CNTNAP4: variants seen among roughly 807,000 people sequenced by gnomAD.
The protein encoded by CNTNAP4 is contactin associated protein family member 4.
In CNTNAP4, 98 loss-of-function variants were observed where a neutral mutation model predicts 148.4. The ratio of observed to expected loss-of-function variants is 0.66; its 90% CI spans 0.56 to 0.78. The LOEUF is 0.78. Among genes scored for constraint, CNTNAP4 ranks in the 30% least tolerant of loss-of-function variants. The pLI, the probability that CNTNAP4 is intolerant of heterozygous loss-of-function variation, is 0.00. For missense variants in CNTNAP4, 1,935 were observed against 1,565.6 expected, an observed-to-expected ratio of 1.24 and a Z score of -3.98; for synonymous variants, 730 against 565.1, an observed-to-expected ratio of 1.29 and a Z score of -4.14.
At chr16:76,493,927 A>T (rs1329356586) in intron 13 of CNTNAP4, among the ~76,000 whole-genome samples, 3 of 152,200 alleles carry the variant, frequency 2.0e-5, no homozygotes, top group Non-Finnish European at 4.4e-5. Context: ...AGAAATTAGT[A>T]AAAATCCCAG....
chr16:76,401,768 T>C (rs1453415760), intron 3 of CNTNAP4, among the ~76,000 whole-genome samples: 1 of 152,216 alleles, frequency 6.6e-6, no homozygotes, highest in Non-Finnish European at 1.5e-5. Context: ...TTGAATTTTA[T>C]TAAAAGCCTT....
chr16:76,311,771 C>A (rs187883224), intron 1 of CNTNAP4, among the ~76,000 whole-genome samples: 2 of 152,126 alleles, frequency 1.3e-5, no homozygotes, highest in African/African-American at 2.4e-5. Flanking sequence ...TGTTTGGTTA[C>A]TCGATTACTA....
chr16:76,296,392 G>C (rs1456669614), intron 1 of CNTNAP4, among the ~76,000 whole-genome samples: 1 of 152,088 alleles, frequency 6.6e-6, no homozygotes, highest in East Asian at 1.9e-4. Context: ...AATTCCTATA[G>C]CTGAGTTATT....
chr16:76,303,104 TG>T lies in CNTNAP4; in HGVS notation c.86-13308del, dbSNP rs765720348. On this transcript the variant is annotated intron_variant, in intron 1 of 23. Coordinates refer to ENST00000611870, the MANE Select transcript of CNTNAP4 (RefSeq NM_033401.5). ...GCCAAACTTTTTCCTTGCTTGATTA[TG>T]AAATCAAACACAATAATCTTAGCTA... Among the ~76,000 whole-genome samples the T allele has an allele frequency of 2.6e-5, 4 of 152,218 alleles. No individual in the cohort carries two copies. The East Asian group carries it at 5.8e-4, about 22-fold the overall frequency.
chr16:76,437,907 T>A (rs2079890556), intron 4 of CNTNAP4, among the ~76,000 whole-genome samples: 1 of 152,176 alleles, frequency 6.6e-6, no homozygotes, highest in Admixed American at 6.6e-5. Context: ...GTTGTAGCTT[T>A]TATTGGACTA....
chr16:76,551,139 G>A (rs2084936064), intron 21 of CNTNAP4, among the ~76,000 whole-genome samples: 1 of 152,128 alleles, frequency 6.6e-6, no homozygotes, highest in South Asian at 2.1e-4. Context: ...GCCAGGTGCG[G>A]TGGTTCATGC....
At chr16:76,309,944 G>C (rs777899810) in intron 1 of CNTNAP4, 3 of 700,090 alleles carry the variant, frequency 4.3e-6, no homozygotes, top group Non-Finnish European at 7.8e-6. Context: ...CCCCGTCTCG[G>C]GTATGTCTTT....
At chr16:76,362,741 A>G (rs1310748650) in intron 3 of CNTNAP4, among the ~76,000 whole-genome samples, 3 of 152,114 alleles carry the variant, frequency 2.0e-5, no homozygotes, top group African/African-American at 7.2e-5. Context: ...ACACACCAGA[A>G]CCTAATTGAG....
chr16:76,337,372 C>T (rs1268371559), intron 2 of CNTNAP4, among the ~76,000 whole-genome samples: 1 of 152,138 alleles, frequency 6.6e-6, no homozygotes, highest in Non-Finnish European at 1.5e-5. Flanking sequence ...AGAAATTTTA[C>T]AGCTGGACCT....
At chr16:76,393,894 G>A (rs1481320301) in intron 3 of CNTNAP4, among the ~76,000 whole-genome samples, 1 of 152,152 alleles carries the variant, frequency 6.6e-6, no homozygotes, top group East Asian at 1.9e-4. Flanking sequence ...TGAATTCAGA[G>A]AAAAATATAG....
intron 3 of CNTNAP4, among the ~76,000 whole-genome samples, chr16:76,381,007 G>A (rs898686971): frequency 3.7e-4 from 56 of 152,154 alleles, no homozygotes; most frequent in African/African-American, 1.4e-3. Context: ...GCCAGGCTCT[G>A]CACTTTCCCA....
intron 2 of CNTNAP4, among the ~76,000 whole-genome samples, chr16:76,336,383 T>C (rs934394124): frequency 6.6e-6 from 1 of 152,194 alleles, no homozygotes; most frequent in African/African-American, 2.4e-5. Context: ...GCTTGAAATC[T>C]TCCACAGAAG....
intron 4 of CNTNAP4, among the ~76,000 whole-genome samples, chr16:76,447,268 T>C (rs55854903): frequency 0.3 from 45,582 of 151,426 alleles, 7,239 homozygotes; most frequent in Middle Eastern, 0.38. Context: ...CAAGATAGTG[T>C]GAGTACCACT....
intron 3 of CNTNAP4, among the ~76,000 whole-genome samples, chr16:76,400,346 A>G (rs2078364966): frequency 6.6e-6 from 1 of 152,222 alleles, no homozygotes; most frequent in African/African-American, 2.4e-5. Context: ...CAAATTTGAA[A>G]TATATAATAT....
chr16:76,494,848 T>A lies in CNTNAP4; in HGVS notation c.2081-62T>A. 6 of 1,480,978 alleles carry A rather than the reference T, an allele frequency of 4.1e-6. No individual in the cohort carries two copies. In the South Asian group the frequency reaches 7.2e-5, roughly 18 times the overall value. The allele number at this position is 1,480,978 out of a possible 1,614,324, so 91.7% of individuals were successfully genotyped here. On this transcript the variant is annotated intron_variant, in intron 13 of 23. Transcript: ENST00000611870. ...AATGATTTTGGAAGAAAAGGAATTA[T>A]ATTGGGAGAGAAGGTGGTGGAACAT...
intron 3 of CNTNAP4, among the ~76,000 whole-genome samples, chr16:76,366,137 T>C (rs2014094518): frequency 2.0e-5 from 3 of 152,170 alleles, no homozygotes; most frequent in African/African-American, 4.8e-5. Flanking sequence ...TATAAAAAAT[T>C]TGCTGAAATT....
At chr16:76,373,371 G>C (rs1452310950) in intron 3 of CNTNAP4, among the ~76,000 whole-genome samples, 1 of 151,952 alleles carries the variant, frequency 6.6e-6, no homozygotes, top group Non-Finnish European at 1.5e-5. Flanking sequence ...ATAAAAACCA[G>C]GACTTGAACT....
chr16:76,336,154 C>G (rs1274863469), intron 2 of CNTNAP4, among the ~76,000 whole-genome samples: 2 of 151,920 alleles, frequency 1.3e-5, no homozygotes, highest in South Asian at 2.1e-4. Context: ...TGATTTTCTA[C>G]ATGAGAAAGA....
rs888791961 is a variant in CNTNAP4, at chr16:76,329,872, G to C, written c.196+13349G>C. 3.3e-5 allele frequency among the ~76,000 whole-genome samples: 5 copies of C among 152,284 alleles called. No homozygotes were observed. In the East Asian group the frequency reaches 9.6e-4, roughly 29 times the overall value. On this transcript the variant is annotated intron_variant, in intron 2 of 23. Coordinates refer to ENST00000611870, the MANE Select transcript of CNTNAP4 (RefSeq NM_033401.5). Reference sequence around the variant, plus strand: ...TGTATTAAAATGAAAAATAAGGTCAGAGACTGTGTGCCAGAAAGAGAACGT... The same window carrying C: ...TGTATTAAAATGAAAAATAAGGTCACAGACTGTGTGCCAGAAAGAGAACGT...
Sources: allele counts gnomAD v4.1 joint callset (sites outside exome capture counted in the v4.1 genomes callset), GRCh38; gene constraint gnomAD v4.1.1; transcripts MANE v1.5; gene names NCBI Gene and HGNC (gene_info 2026-07-23, HGNC 2026-07-21).